The following HTR1F variants were observed in gnomAD, a reference collection of about 807,000 sequenced individuals.
The protein encoded by HTR1F is 5-hydroxytryptamine (serotonin) receptor 1F, G protein-coupled.
In HTR1F, 17 loss-of-function variants were observed where a neutral mutation model predicts 24.0. The ratio of observed to expected loss-of-function variants is 0.71; its 90% confidence interval spans 0.48 to 1.06. The LOEUF is 1.06. Among genes scored for constraint, HTR1F ranks in the 50% least tolerant of loss-of-function variants. The probability of loss-of-function intolerance (pLI) is 0.00; values close to 1 mark genes in which losing one functional copy is unlikely to be tolerated. For synonymous variants in HTR1F, 186 were observed against 156.8 expected, an observed-to-expected ratio of 1.19 and a Z score of -1.39; for missense variants, 391 against 427.8, an observed-to-expected ratio of 0.91 and a Z score of 0.76.
chr3:87,915,463 G>A (rs1009905514), intron 2 of HTR1F, among the ~76,000 whole-genome samples: 3 of 151,998 alleles, frequency 2.0e-5, no homozygotes, highest in African/African-American at 4.8e-5. Context: ...AACGATACAA[G>A]AAGTGAAGGG....
At chr3:87,826,374 A>T (rs1205397832) in intron 2 of HTR1F, among the ~76,000 whole-genome samples, 4 of 152,238 alleles carry the variant, frequency 2.6e-5, no homozygotes, top group African/African-American at 9.6e-5. Flanking sequence ...AGCAAAAATA[A>T]ATATTTCATA....
intron 2 of HTR1F, among the ~76,000 whole-genome samples, chr3:87,927,852 C>T (rs1028098209): frequency 2.4e-4 from 36 of 152,018 alleles, no homozygotes; most frequent in African/African-American, 8.5e-4. Context: ...AATATTAATA[C>T]TAGTTAAATA....
chr3:87,987,394 T>C (rs1705685203), intron 2 of HTR1F, among the ~76,000 whole-genome samples: 1 of 151,512 alleles, frequency 6.6e-6, no homozygotes, highest in Non-Finnish European at 1.5e-5. Flanking sequence ...GGTTCACTGA[T>C]ACTAAAAACA....
chr3:87,842,130 A>T (rs1704821706), intron 2 of HTR1F, among the ~76,000 whole-genome samples: 1 of 151,612 alleles, frequency 6.6e-6, no homozygotes, highest in Admixed American at 6.6e-5. Flanking sequence ...GAACATTAGC[A>T]ATTCAGCAAC....
chr3:87,793,280 A>G (rs980610810), intron 1 of HTR1F: 1 of 150,782 alleles, frequency 6.6e-6, no homozygotes, highest in Non-Finnish European at 1.5e-5. Context: ...AGGAGGGGAG[A>G]GTCTTCGAAT....
intron 2 of HTR1F, among the ~76,000 whole-genome samples, chr3:87,978,432 G>C (rs995657905): frequency 6.6e-6 from 1 of 152,146 alleles, no homozygotes; most frequent in Non-Finnish European, 1.5e-5. Context: ...AAGGTGAAGG[G>C]CTGCTTTATT....
chr3:87,827,922 A>T (rs577669678), intron 2 of HTR1F, among the ~76,000 whole-genome samples: 1 of 152,220 alleles, frequency 6.6e-6, no homozygotes, highest in Non-Finnish European at 1.5e-5. Context: ...GGGTAACTTA[A>T]TGAACTTCTC....
intron 2 of HTR1F, among the ~76,000 whole-genome samples, chr3:87,928,047 CTT>C (rs5850817): frequency 1.4e-3 from 188 of 131,316 alleles, no homozygotes; most frequent in African/African-American, 3.5e-3. Flanking sequence ...AATATCTTTG[CTT>C]TTTTTTTTTT....
At chr3:87,862,919 C>T (rs772373574) in intron 2 of HTR1F, among the ~76,000 whole-genome samples, 20 of 151,946 alleles carry the variant, frequency 1.3e-4, no homozygotes, top group Non-Finnish European at 2.9e-4. Context: ...TAGATTCAAC[C>T]GATTATCCTG....
At chr3:87,865,285 A>T (rs1238806546) in intron 2 of HTR1F, among the ~76,000 whole-genome samples, 1 of 152,188 alleles carries the variant, frequency 6.6e-6, no homozygotes, top group African/African-American at 2.4e-5. Context: ...CTCTCTTGCT[A>T]TCAGATATTT....
At chr3:87,912,484 G>A (rs1703799734) in intron 2 of HTR1F, among the ~76,000 whole-genome samples, 1 of 151,740 alleles carries the variant, frequency 6.6e-6, no homozygotes, top group Admixed American at 6.6e-5. Context: ...TCATTAAACT[G>A]GCCATACTGA....
At chr3:87,857,178 C>T (rs1483902098) in intron 2 of HTR1F, among the ~76,000 whole-genome samples, 2 of 151,904 alleles carry the variant, frequency 1.3e-5, no homozygotes, top group Non-Finnish European at 2.9e-5. Context: ...ATAAAACTGT[C>T]TCAGGTTTTT....
chr3:87,951,927 A>G (rs1704843109), intron 2 of HTR1F, among the ~76,000 whole-genome samples: 1 of 152,064 alleles, frequency 6.6e-6, no homozygotes, highest in African/African-American at 2.4e-5. Context: ...TGCGGCATGT[A>G]GTATTTTTGG....
chr3:87,797,481 T>C (rs570121751), intron 1 of HTR1F, among the ~76,000 whole-genome samples: 1 of 152,170 alleles, frequency 6.6e-6, no homozygotes, highest in Non-Finnish European at 1.5e-5. Flanking sequence ...AGCCTTTATA[T>C]GAAAACATAT....
intron 2 of HTR1F, among the ~76,000 whole-genome samples, chr3:87,834,200 G>T (rs1704637950): frequency 6.6e-6 from 1 of 152,108 alleles, no homozygotes; most frequent in South Asian, 2.1e-4. Flanking sequence ...CATGCAATGT[G>T]ATTGGATCTC....
intron 2 of HTR1F, among the ~76,000 whole-genome samples, chr3:87,936,149 C>T (rs1433334527): frequency 1.3e-5 from 2 of 152,168 alleles, no homozygotes; most frequent in Non-Finnish European, 2.9e-5. Flanking sequence ...TGCACCTAGC[C>T]TATTTTTAGG....
At chr3:87,801,070 AATGAAT>A (rs1444657152) in intron 1 of HTR1F, among the ~76,000 whole-genome samples, 1 of 152,192 alleles carries the variant, frequency 6.6e-6, no homozygotes, top group Non-Finnish European at 1.5e-5. Flanking sequence ...TTTTTCTTGA[AATGAAT>A]ATGGAGTTAC....
chr3:87,886,024 A>G (rs1705933407), intron 2 of HTR1F, among the ~76,000 whole-genome samples: 1 of 152,192 alleles, frequency 6.6e-6, no homozygotes, highest in Non-Finnish European at 1.5e-5. Flanking sequence ...AAGGCCTGGC[A>G]GAGACACGAC....
Position 87,986,374 on chromosome 3 carries a change from C to A in HTR1F, c.-42-4334C>A, listed in dbSNP as rs545989810. Among the ~76,000 whole-genome samples, 4 of 152,222 alleles carry A rather than the reference C, an allele frequency of 2.6e-5. No homozygotes were observed. In the East Asian group the frequency reaches 7.7e-4, roughly 29 times the overall value. On this transcript the variant is annotated intron_variant, in intron 2 of 2. Transcript: ENST00000319595. ...AATACAACTAGCAGAAGATTAATTA[C>A]AGTTCTAAATTTAACATTAAAAAGA...
Sources: allele counts gnomAD v4.1 joint callset (sites outside exome capture counted in the v4.1 genomes callset), GRCh38; gene constraint gnomAD v4.1.1; transcripts MANE v1.5; gene names NCBI Gene and HGNC (gene_info 2026-07-23, HGNC 2026-07-21).